PAGE5: variants seen among roughly 807,000 people sequenced by gnomAD.
The protein encoded by PAGE5 is P antigen family member 5.
A neutral mutation model predicts 8.1 loss-of-function variants in PAGE5; 8 were observed. The observed-to-expected ratio is 0.98, with a 90% CI of 0.58 to 1.77. The LOEUF is 1.77. PAGE5 is among the 40% of genes most tolerant of loss of function. The pLI is 0.00. For missense variants in PAGE5, 64 were observed against 77.6 expected (o/e 0.82, Z 0.66); for synonymous variants, 30 against 27.0 (o/e 1.11, Z -0.35).
chrX:55,223,959 G>T (rs772933274), intron 4 of PAGE5, 28 bp from the exon 5 acceptor site: 1 of 1,104,411 alleles, frequency 9.1e-7, no homozygotes, highest in South Asian at 2.2e-5. Flanking sequence ...GCTGAATAAC[G>T]TGCTCTAATT....
In PAGE5 at chrX:55,221,872, C is replaced by T. The variant is rs1937897823; in HGVS notation, c.187C>T (p.Gln63Ter). 3.3e-6 allele frequency: 4 copies of T among 1,198,342 alleles called. No individual in the cohort carries two copies. Among genetic ancestry groups the T allele is most frequent in the Admixed American group, 2.2e-5 (1 of 44,657 alleles). ...EIKNEGAPAV[Q>*]GTDVEAFQQE... ...CAAAAATGAAGGAGCACCTGCTGTT[C>T]AAGGTGAAGGGAGAGTGGAGAATAA... Residue 63 changes from glutamine to a stop codon, truncating the protein, a stop_gained, in exon 3 of 5, where the codon CAA (glutamine) becomes TAA (stop). Coordinates refer to ENST00000374955, the MANE Select transcript of PAGE5 (RefSeq NM_001013435.3). LOFTEE classifies it high-confidence loss of function.
Position 55,221,931 on chromosome X carries a change from A to G in PAGE5, c.190+56A>G, listed in dbSNP as rs1400549539. 6 of 1,083,039 alleles carry G rather than the reference A, an allele frequency of 5.5e-6. No homozygotes were observed. The South Asian group carries it at 1.0e-4, about 19-fold the overall frequency. 89.3% of individuals were successfully genotyped at this position (1,083,039 alleles called of 1,213,427 possible). ...GGTGGTGGAGGTCTATTTATGCATTATATTTTGTGACATACCAGTAACAGG... is the reference window on the plus strand; with the variant it reads ...GGTGGTGGAGGTCTATTTATGCATTGTATTTTGTGACATACCAGTAACAGG... On this transcript the variant is annotated intron_variant, in intron 3 of 4. Transcript: ENST00000374955.
At position 55,220,592 on chromosome X, in the gene PAGE5, A is replaced by C. The variant is rs367693830; in HGVS notation, c.-9+140A>C. The C allele has an allele frequency of 1.8e-3, 2,117 of 1,192,196 alleles. 1 individual carries two copies. Among genetic ancestry groups the C allele is most frequent in the Admixed American group, 4.0e-3 (175 of 43,370 alleles). Reference sequence around the variant, plus strand: ...TCGCGGTGGTCCTCCGCCTTCCCCCAGGTCCTGATGCAGGCGCCATGGGCC... The same window carrying C: ...TCGCGGTGGTCCTCCGCCTTCCCCCCGGTCCTGATGCAGGCGCCATGGGCC... On this transcript the variant is annotated intron_variant, in intron 1 of 4. Transcript: ENST00000374955.
chrX:55,220,736 G>A lies in PAGE5; in HGVS notation c.-9+284G>A, dbSNP rs971792884. On this transcript the variant is annotated intron_variant, in intron 1 of 4. Transcript: ENST00000374955. ...TTAGAGGTGTCTGAGTCCCGAAAAC[G>A]CCTGGAACTCTCTGAGGGAGGACAG... The A allele has an allele frequency of 1.1e-4, 107 of 947,427 alleles. No homozygotes were observed. The African/African-American group carries it at 1.8e-3, about 16-fold the overall frequency. The allele number at this position is 947,427 out of a possible 1,213,427, so 78.1% of individuals were successfully genotyped here. A position where few individuals can be genotyped will look rare whatever the true frequency, so the allele number is the denominator to read the frequency against.
chrX:55,220,949 T>A (rs372420525), intron 1 of PAGE5, among the ~76,000 whole-genome samples: 1 of 110,941 alleles, frequency 9.0e-6, no homozygotes, highest in Non-Finnish European at 1.9e-5. Context: ...ATGGACCTCA[T>A]GGAAAGGAAT....
At chrX:55,221,283 A>C in intron 1 of PAGE5, 92 bp from the exon 2 acceptor site, 1 of 852,483 alleles carries the variant, frequency 1.2e-6, no homozygotes, top group Admixed American at 3.0e-5. Flanking sequence ...TTCAAAATTA[A>C]AAAAGTACAA....
Position 55,222,650 on chromosome X carries a change from C to T in PAGE5, c.220C>T (p.Leu74=), listed in dbSNP as rs374150565. Residue 74 remains leucine, a synonymous_variant, in exon 4 of 5, where the codon CTG becomes TTG. Coordinates refer to ENST00000374955, the MANE Select transcript of PAGE5 (RefSeq NM_001013435.3). ...TGATGTGGAAGCTTTTCAACAGGAA[C>T]TGGCTCTGCTTAAGATAGAGGATGC... is the stretch of plus-strand genomic sequence containing the variant. ...GTDVEAFQQE[L]ALLKIEDAPG... 4.1e-6 allele frequency: 5 copies of T among 1,207,105 alleles called. No homozygotes were observed. In the African/African-American group the frequency reaches 8.7e-5, roughly 21 times the overall value.
intron 4 of PAGE5, among the ~76,000 whole-genome samples, 159 bp downstream of exon 4, chrX:55,222,905 A>C: frequency 8.9e-6 from 1 of 112,431 alleles, no homozygotes; most frequent in African/African-American, 3.2e-5. Flanking sequence ...CTTACACACT[A>C]TCAGAGATAG....
In PAGE5 at chrX:55,221,390, A is replaced by C. The variant is rs1256480806; in HGVS notation, c.8A>C (p.Glu3Ala). 3 of 1,208,395 alleles carry C rather than the reference A, an allele frequency of 2.5e-6. No individual in the cohort carries two copies. In the African/African-American group the frequency reaches 5.2e-5, roughly 21 times the overall value. MS[E>A]HVTRSQSSER... ...TTGTTTTCAGTGAGAGATATGAGTG[A>C]GCATGTAACAAGATCCCAATCCTCA... Residue 3 changes from glutamate (E) to alanine (A), a missense_variant, in exon 2 of 5, where the codon GAG becomes GCG. By Grantham distance (107) the Glu-to-Ala change is moderately radical (BLOSUM62 -1). Transcript: ENST00000374955.
chrX:55,222,471 G>A (rs1449573537), intron 3 of PAGE5, 150 bp from the exon 4 acceptor site: 1 of 658,794 alleles, frequency 1.5e-6, no homozygotes, highest in African/African-American at 2.2e-5. Flanking sequence ...GGCAATGTTT[G>A]AACATTTCTG....
chrX:55,223,376 G>T (rs759345325), intron 4 of PAGE5, among the ~76,000 whole-genome samples: 6 of 111,844 alleles, frequency 5.4e-5, no homozygotes, highest in African/African-American at 1.6e-4. Context: ...TAAAGCTAGC[G>T]TGGGGGTTTT....
Position 55,224,085 on chromosome X carries a change from A to G in PAGE5, c.*82A>G. 1.3e-6 allele frequency: 1 copy of G among 790,901 alleles called. No homozygotes were observed. The highest frequency in any genetic ancestry group is 4.9e-4 in the Middle Eastern group (1 of 2,031). The allele number at this position is 790,901 out of a possible 1,213,427, so 65.2% of individuals were successfully genotyped here. On this transcript the variant is annotated 3_prime_UTR_variant, in exon 5 of 5. Transcript: ENST00000374955. ...TTTGACTGCTAACATTCTCTTAATA[A>G]AGTTTTACAGTTTTCTGCAAAGACT...
intron 3 of PAGE5, 147 bp from the exon 4 acceptor site, chrX:55,222,474 C>A: frequency 4.4e-6 from 3 of 679,287 alleles, no homozygotes; most frequent in Non-Finnish European, 6.7e-6. Flanking sequence ...AATGTTTGAA[C>A]ATTTCTGCTT....
intron 4 of PAGE5, 67 bp downstream of exon 4, chrX:55,222,813 C>T: frequency 9.0e-7 from 1 of 1,116,750 alleles, no homozygotes. Context: ...TTGTGTGACA[C>T]AGAGGTAAAA....
intron 4 of PAGE5, among the ~76,000 whole-genome samples, chrX:55,223,317 A>G (rs1602335470): frequency 1.8e-5 from 2 of 112,452 alleles, no homozygotes; most frequent in Middle Eastern, 4.6e-3. Flanking sequence ...TAACATGTTT[A>G]TGATAAGCAT....
chrX:55,220,577 C>G lies in PAGE5; in HGVS notation c.-9+125C>G, dbSNP rs754051089. The G allele has an allele frequency of 4.2e-6, 5 of 1,184,927 alleles. No homozygotes were observed. In the East Asian group the frequency reaches 1.6e-4, roughly 37 times the overall value. ...TGAGGGAAAAGGGCCTCGCGGTGGT[C>G]CTCCGCCTTCCCCCAGGTCCTGATG... On this transcript the variant is annotated intron_variant, in intron 1 of 4. Coordinates refer to ENST00000374955, the MANE Select transcript of PAGE5 (RefSeq NM_001013435.3).
At chrX:55,223,954 A>T (rs1311217586) in intron 4 of PAGE5, 33 bp from the exon 5 acceptor site, 2 of 1,099,454 alleles carry the variant, frequency 1.8e-6, no homozygotes, top group Non-Finnish European at 2.5e-6. Flanking sequence ...AATCTGCTGA[A>T]TAACGTGCTC....
chrX:55,222,241 C>T (rs1343520083), intron 3 of PAGE5, among the ~76,000 whole-genome samples: 1 of 112,126 alleles, frequency 8.9e-6, no homozygotes, highest in Non-Finnish European at 1.9e-5. Context: ...GGACATCTCT[C>T]ATGTATTTTT....
chrX:55,221,134 C>G (rs1477058833), intron 1 of PAGE5, among the ~76,000 whole-genome samples: 3 of 111,190 alleles, frequency 2.7e-5, no homozygotes, highest in Non-Finnish European at 5.7e-5. Context: ...AGCCAAAACT[C>G]AGAAAAGTCC....
Sources: allele counts gnomAD v4.1 joint callset (sites outside exome capture counted in the v4.1 genomes callset), GRCh38; gene constraint gnomAD v4.1.1; transcripts MANE v1.5; gene names NCBI Gene and HGNC (gene_info 2026-07-23, HGNC 2026-07-21).